ZNF354B: variants seen among roughly 807,000 people sequenced by gnomAD.
The protein encoded by ZNF354B is zinc finger protein 354B.
Under a neutral mutation model 12.9 loss-of-function variants are expected in ZNF354B, and 10 were observed. The ratio of observed to expected loss-of-function variants is 0.77; its 90% confidence interval spans 0.48 to 1.31. The LOEUF (loss-of-function observed/expected upper bound fraction) is 1.31, where lower values mean the gene tolerates loss of function less well. Ranked by LOEUF, ZNF354B falls within the 40% of genes most tolerant of loss-of-function variation. The pLI, the probability that ZNF354B is intolerant of heterozygous loss-of-function variation, is 0.00. For synonymous variants in ZNF354B, 260 were observed against 243.7 expected (o/e 1.07, Z -0.62); for missense variants, 614 against 711.7 (o/e 0.86, Z 1.56).
rs546466918 is a variant in ZNF354B at position 178,884,169 on chromosome 5, A to G, written c.1717A>G (p.Thr573Ala). The G allele has an allele frequency of 3.3e-5, 54 of 1,613,964 alleles. 1 individual carries two copies. Among genetic ancestry groups the G allele is most frequent in the South Asian group, 2.6e-4 (24 of 91,086 alleles). ...ACTTATTGCACATCAAAGAATTCAT[A>G]CTGGAGAGAAACCCTATGAATGTAA... ...SSLIAHQRIH[T>A]GEKPYECNAC... Residue 573 changes from threonine (T) to alanine (A), a missense_variant, in exon 5 of 5, where the codon ACT becomes GCT. Transcript: ENST00000322434.
At chr5:178,866,000 G>C (rs75433776) in intron 2 of ZNF354B, among the ~76,000 whole-genome samples, 22,512 of 151,594 alleles carry the variant, frequency 0.15, 2,022 homozygotes, top group African/African-American at 0.25. Context: ...CTAATTAAGG[G>C]TCCCACTAAT....
At chr5:178,862,628 G>A (rs930197963) in intron 2 of ZNF354B, among the ~76,000 whole-genome samples, 23 of 152,156 alleles carry the variant, frequency 1.5e-4, no homozygotes, top group Non-Finnish European at 2.5e-4. Flanking sequence ...ACAGCCTCCC[G>A]GAGTGCTGGG....
Position 178,884,503 on chromosome 5 carries a change from A to G in ZNF354B, c.*212A>G, listed in dbSNP as rs1292227157. 6 of 456,280 alleles carry G rather than the reference A, an allele frequency of 1.3e-5. No individual in the cohort carries two copies. Among genetic ancestry groups the G allele is most frequent in the Non-Finnish European group, 2.3e-5 (6 of 265,618 alleles). The allele number at this position is 456,280 out of a possible 1,614,324, so 28.3% of individuals were successfully genotyped here. ...ACTGTTGCAGACATTGAAATTGGCC[A>G]TTTGTAAGATAAAAGGTATGTTTAT... On this transcript the variant is annotated 3_prime_UTR_variant, in exon 5 of 5. Coordinates refer to ENST00000322434, the MANE Select transcript of ZNF354B (RefSeq NM_058230.3).
chr5:178,863,377 G>C (rs1358355831), intron 2 of ZNF354B, among the ~76,000 whole-genome samples: 1 of 147,064 alleles, frequency 6.8e-6, no homozygotes, highest in Non-Finnish European at 1.5e-5. Context: ...AAATGTGATA[G>C]TGGTCCCATA....
chr5:178,862,801 C>A (rs549312627), intron 2 of ZNF354B, among the ~76,000 whole-genome samples: 19 of 152,340 alleles, frequency 1.2e-4, no homozygotes, highest in African/African-American at 4.6e-4. Flanking sequence ...AAGCTGCTCT[C>A]CTGACTAGAA....
At chr5:178,880,062 G>A (rs1316881415) in intron 4 of ZNF354B, among the ~76,000 whole-genome samples, 1 of 152,142 alleles carries the variant, frequency 6.6e-6, no homozygotes, top group African/African-American at 2.4e-5. Flanking sequence ...GGAGGTGGAG[G>A]TTGCAGTGAG....
At chr5:178,862,615 G>A (rs561190837) in intron 2 of ZNF354B, among the ~76,000 whole-genome samples, 28 of 152,270 alleles carry the variant, frequency 1.8e-4, no homozygotes, top group African/African-American at 6.0e-4. Flanking sequence ...TGATCCACCA[G>A]CCACAGCCTC....
intron 4 of ZNF354B, among the ~76,000 whole-genome samples, chr5:178,874,455 A>G (rs1757607676): frequency 6.6e-6 from 1 of 151,508 alleles, no homozygotes; most frequent in Non-Finnish European, 1.5e-5. Context: ...CTTTTTCTTT[A>G]TTTTTATCTG....
intron 4 of ZNF354B, among the ~76,000 whole-genome samples, chr5:178,876,138 A>G (rs1757634301): frequency 6.6e-6 from 1 of 152,178 alleles, no homozygotes; most frequent in Non-Finnish European, 1.5e-5. Context: ...TGGAGGGGCT[A>G]TGGGTTCTCT....
chr5:178,861,230 G>A lies in ZNF354B; in HGVS notation c.33+150G>A, dbSNP rs186437827. On this transcript the variant is annotated intron_variant, in intron 2 of 4. Coordinates refer to ENST00000322434, the MANE Select transcript of ZNF354B (RefSeq NM_058230.3). ...CCTCATGACTGGTGGATTCTGTAGG[G>A]AGGACCACCCACCCTCCCCACCCGT... 92 of 1,068,354 alleles carry A rather than the reference G, an allele frequency of 8.6e-5. 1 individual carries two copies. The Admixed American group carries it at 1.9e-3, about 23-fold the overall frequency. 66.2% of individuals were successfully genotyped at this position (1,068,354 alleles called of 1,614,324 possible).
chr5:178,865,055 ATTTG>A (rs1224346429), intron 2 of ZNF354B, among the ~76,000 whole-genome samples: 1 of 152,216 alleles, frequency 6.6e-6, no homozygotes, highest in African/African-American at 2.4e-5. Context: ...ATTGCCTAAT[ATTTG>A]TTTGTATTAA....
At chr5:178,868,338 G>T (rs142071457) in intron 4 of ZNF354B, among the ~76,000 whole-genome samples, 11,590 of 134,042 alleles carry the variant, frequency 0.086, 608 homozygotes, top group African/African-American at 0.15. Flanking sequence ...GTAATCAGAG[G>T]AGAGAAACGG....
intron 4 of ZNF354B, among the ~76,000 whole-genome samples, chr5:178,876,949 G>A (rs962478814): frequency 2.8e-5 from 4 of 144,640 alleles, no homozygotes; most frequent in Non-Finnish European, 6.0e-5. Flanking sequence ...TTGTCTTACA[G>A]TGTTGCAACT....
chr5:178,869,977 C>G (rs1350018435), intron 4 of ZNF354B, among the ~76,000 whole-genome samples: 2 of 152,042 alleles, frequency 1.3e-5, no homozygotes, highest in Admixed American at 6.6e-5. Flanking sequence ...TGGGATGTTC[C>G]TGGAATTATC....
intron 4 of ZNF354B, among the ~76,000 whole-genome samples, chr5:178,872,984 C>T (rs1247075278): frequency 6.6e-6 from 1 of 152,094 alleles, no homozygotes; most frequent in Non-Finnish European, 1.5e-5. Flanking sequence ...GACAGGGTTT[C>T]ACCTTATTGG....
chr5:178,866,239 T>TA lies in ZNF354B; in HGVS notation c.34-4dup, dbSNP rs745439285. 9.9e-6 allele frequency: 16 copies of TA among 1,613,880 alleles called. No homozygotes were observed. In the Admixed American group the frequency reaches 2.0e-4, roughly 20 times the overall value. On this transcript the variant is annotated splice_polypyrimidine_tract_variant and splice_region_variant and intron_variant, in intron 2 of 4. Transcript: ENST00000322434. ...TGGGTGAGCTGGAACGACTTGTCCT[T>TA]ACAGGTGTCACTGACATTCGAGGAC...
At chr5:178,870,575 C>T (rs888620720) in intron 4 of ZNF354B, among the ~76,000 whole-genome samples, 4 of 152,004 alleles carry the variant, frequency 2.6e-5, no homozygotes, top group Admixed American at 2.0e-4. Context: ...CCACCACACC[C>T]GGCCTGCTTT....
At chr5:178,880,175 C>T (rs1199880928) in intron 4 of ZNF354B, among the ~76,000 whole-genome samples, 2 of 151,700 alleles carry the variant, frequency 1.3e-5, no homozygotes, top group Non-Finnish European at 2.9e-5. Flanking sequence ...CCCATGTATT[C>T]GTCATCCAAT....
intron 2 of ZNF354B, among the ~76,000 whole-genome samples, chr5:178,864,591 T>G (rs1052994461): frequency 5.9e-5 from 9 of 152,138 alleles, no homozygotes; most frequent in African/African-American, 1.9e-4. Flanking sequence ...TTCAGTTTAT[T>G]GAATGTTTCA....
Sources: gnomAD v4.1 joint callset for allele counts (sites outside exome capture counted in the v4.1 genomes callset) on GRCh38, gnomAD v4.1.1 for gene constraint, MANE v1.5 for transcripts, NCBI Gene and HGNC (gene_info 2026-07-23, HGNC 2026-07-21) for gene names.